PRDM5: variants seen among roughly 807,000 people sequenced by gnomAD.
PRDM5 encodes PR/SET domain 5.
Under a neutral mutation model 81.2 loss-of-function variants are expected in PRDM5, and 56 were observed. The observed-to-expected ratio is 0.69, with a 90% CI of 0.56 to 0.86. The LOEUF is 0.86. PRDM5 is among the 40% of genes least tolerant of loss of function. PRDM5 has a pLI of 0.00. For missense variants in PRDM5, 697 were observed against 770.1 expected, an observed-to-expected ratio of 0.91 and a Z score of 1.12; for synonymous variants, 267 against 256.4, an observed-to-expected ratio of 1.04 and a Z score of -0.39.
intron 13 of PRDM5, among the ~76,000 whole-genome samples, chr4:120,763,070 T>C (rs1402968484): frequency 6.6e-6 from 1 of 152,196 alleles, no homozygotes; most frequent in African/African-American, 2.4e-5. Flanking sequence ...TCAAAATCTA[T>C]TTCTTTAAAC....
chr4:120,877,787 A>G (rs1762466079), intron 2 of PRDM5, among the ~76,000 whole-genome samples: 2 of 152,220 alleles, frequency 1.3e-5, no homozygotes, highest in Non-Finnish European at 2.9e-5. Flanking sequence ...CCTGGGTGAC[A>G]AAGCAAGACT....
chr4:120,808,098 T>C (rs1276957555), intron 8 of PRDM5, among the ~76,000 whole-genome samples: 2 of 152,122 alleles, frequency 1.3e-5, no homozygotes, highest in African/African-American at 2.4e-5. Flanking sequence ...CAAGACTTAT[T>C]GCAAAGAGCA....
chr4:120,756,717 C>A (rs1744794952), intron 13 of PRDM5, among the ~76,000 whole-genome samples: 4 of 152,116 alleles, frequency 2.6e-5, no homozygotes, highest in Admixed American at 2.0e-4. Context: ...TTTTCTTCTT[C>A]ATAAAGTATA....
At chr4:120,805,794 G>T (rs991683532) in intron 8 of PRDM5, among the ~76,000 whole-genome samples, 10 of 152,132 alleles carry the variant, frequency 6.6e-5, no homozygotes, top group Admixed American at 5.9e-4. Flanking sequence ...ATTGGCATAA[G>T]ACAGGGATGC....
intron 2 of PRDM5, among the ~76,000 whole-genome samples, chr4:120,861,253 C>T (rs193270283): frequency 6.6e-6 from 1 of 152,236 alleles, no homozygotes. Context: ...AGTGATTTGC[C>T]GGCCTCAGCC....
At chr4:120,717,073 A>AC (rs923319550) in intron 14 of PRDM5, among the ~76,000 whole-genome samples, 1 of 151,778 alleles carries the variant, frequency 6.6e-6, no homozygotes, top group African/African-American at 2.4e-5. Context: ...AAAAAAAAAA[A>AC]AAAAAACTTC....
chr4:120,765,031 ATTAC>A (rs1746182303), intron 13 of PRDM5, among the ~76,000 whole-genome samples: 1 of 152,094 alleles, frequency 6.6e-6, no homozygotes, highest in African/African-American at 2.4e-5. Flanking sequence ...TTGCTCTATA[ATTAC>A]TTATAATTAT....
chr4:120,707,563 A>C (rs1736376726), intron 15 of PRDM5, among the ~76,000 whole-genome samples: 2 of 151,946 alleles, frequency 1.3e-5, no homozygotes, highest in Admixed American at 6.6e-5. Context: ...TTAGAGAAAA[A>C]AAACAAAAAC....
At chr4:120,828,998 G>T (rs548937083) in intron 3 of PRDM5, among the ~76,000 whole-genome samples, 1 of 152,094 alleles carries the variant, frequency 6.6e-6, no homozygotes, top group Admixed American at 6.6e-5. Context: ...CTCATCTTTA[G>T]GGGAGTCTAG....
At chr4:120,879,845 T>C (rs939603131) in intron 2 of PRDM5, among the ~76,000 whole-genome samples, 7 of 151,586 alleles carry the variant, frequency 4.6e-5, no homozygotes, top group Admixed American at 2.6e-4. Context: ...AAAAAAAAAA[T>C]CAATGACTGC....
chr4:120,706,617 A>G (rs1336096823), intron 15 of PRDM5, among the ~76,000 whole-genome samples: 1 of 151,918 alleles, frequency 6.6e-6, no homozygotes, highest in Non-Finnish European at 1.5e-5. Context: ...TTATTGCTAT[A>G]GGCATGCTGG....
intron 3 of PRDM5, among the ~76,000 whole-genome samples, chr4:120,836,105 G>C (rs1433117330): frequency 5.3e-5 from 8 of 150,384 alleles, no homozygotes; most frequent in African/African-American, 1.2e-4. Context: ...AGGAAGGAGA[G>C]GATAAAGATC....
At chr4:120,798,648 TTAGATA>T (rs1751680558) in intron 9 of PRDM5, among the ~76,000 whole-genome samples, 1 of 152,210 alleles carries the variant, frequency 6.6e-6, no homozygotes, top group Non-Finnish European at 1.5e-5. Flanking sequence ...TTAAAGTAGC[TTAGATA>T]TAAAGAAAAG....
intron 1 of PRDM5, among the ~76,000 whole-genome samples, chr4:120,920,694 C>G (rs1469636697): frequency 6.6e-6 from 1 of 152,312 alleles, no homozygotes; most frequent in East Asian, 1.9e-4. Flanking sequence ...GGGATCATAA[C>G]TAAACATCGA....
Position 120,781,296 on chromosome 4 carries a change from C to T in PRDM5, c.1290G>A (p.Arg430=). The T allele has an allele frequency of 1.9e-6, 3 of 1,612,626 alleles. No individual in the cohort carries two copies. The highest frequency in any genetic ancestry group is 2.5e-6 in the Non-Finnish European group (3 of 1,179,056). ...CATCGCAGTGATGGCACTTGAAAGT[C>T]CTCTCACCTTAGAAACAAAGAGAAA... is the stretch of plus-strand genomic sequence containing the variant. ...QRHLLIHNSE[R]TFKCHHCDAT... Residue 430 remains arginine (R), a synonymous_variant, in exon 12 of 16, where the codon AGG becomes AGA. Coordinates refer to ENST00000264808, the MANE Select transcript of PRDM5 (RefSeq NM_018699.4).
At chr4:120,844,581 G>A (rs1758436118) in intron 3 of PRDM5, among the ~76,000 whole-genome samples, 2 of 152,148 alleles carry the variant, frequency 1.3e-5, no homozygotes, top group Admixed American at 1.3e-4. Flanking sequence ...AAGCTTAACT[G>A]ATAGTGTGTT....
chr4:120,767,844 CT>C (rs1294814084), intron 13 of PRDM5, among the ~76,000 whole-genome samples: 2 of 152,106 alleles, frequency 1.3e-5, no homozygotes, highest in Non-Finnish European at 2.9e-5. Context: ...CTGTGCTGTT[CT>C]TGTGATAGTG....
At chr4:120,825,731 A>G (rs1378374518) in intron 3 of PRDM5, among the ~76,000 whole-genome samples, 1 of 152,108 alleles carries the variant, frequency 6.6e-6, no homozygotes, top group East Asian at 1.9e-4. Context: ...CTTTTGAAAT[A>G]AATCTGCCTG....
At chr4:120,869,653 C>T (rs1475705869) in intron 2 of PRDM5, among the ~76,000 whole-genome samples, 2 of 152,154 alleles carry the variant, frequency 1.3e-5, no homozygotes, top group African/African-American at 4.8e-5. Flanking sequence ...TGAATACAAA[C>T]AGAGCCTGTG....
Sources: allele counts gnomAD v4.1 joint callset (sites outside exome capture counted in the v4.1 genomes callset), GRCh38; gene constraint gnomAD v4.1.1; transcripts MANE v1.5; gene names NCBI Gene and HGNC (gene_info 2026-07-23, HGNC 2026-07-21).